Variants in UGGT2 observed in about 807,000 individuals in gnomAD.
The protein encoded by UGGT2 is UDP-glucose:glycoprotein glucosyltransferase 2.
In UGGT2, 180 loss-of-function variants were observed where a neutral mutation model predicts 192.1. That is an observed-to-expected ratio of 0.94 (90% CI 0.83 to 1.06). The LOEUF (loss-of-function observed/expected upper bound fraction) is 1.06. UGGT2 is among the 50% of genes least tolerant of loss of function. The pLI, the probability that UGGT2 is intolerant of heterozygous loss-of-function variation, is 0.00. For synonymous variants in UGGT2, 580 were observed against 591.0 expected (o/e 0.98, Z 0.27); for missense variants, 1,849 against 1,795.7 (o/e 1.03, Z -0.54).
At chr13:95,824,715 C>A (rs1413405945) in intron 38 of UGGT2, among the ~76,000 whole-genome samples, 1 of 151,950 alleles carries the variant, frequency 6.6e-6, no homozygotes, top group Non-Finnish European at 1.5e-5. Context: ...TTGGTTTTCA[C>A]CTTTCTGTGG....
chr13:96,022,924 C>A (rs552028186), intron 4 of UGGT2, 116 bp downstream of exon 4: 796 of 583,266 alleles, frequency 1.4e-3, no homozygotes, highest in Non-Finnish European at 1.9e-3. Context: ...ATACAAATCA[C>A]ATTCTTGAAT....
At chr13:96,006,390 T>G (rs2051975566) in intron 5 of UGGT2, among the ~76,000 whole-genome samples, 1 of 151,828 alleles carries the variant, frequency 6.6e-6, no homozygotes, top group Non-Finnish European at 1.5e-5. Flanking sequence ...TATGGGAGGC[T>G]GAGGTGGATG....
intron 12 of UGGT2, among the ~76,000 whole-genome samples, chr13:95,960,373 T>C (rs752602954): frequency 6.6e-6 from 1 of 152,084 alleles, no homozygotes; most frequent in East Asian, 1.9e-4. Context: ...AGTGAGAAAT[T>C]TACCAGAACC....
At chr13:95,830,324 A>G (rs764122962) in intron 38 of UGGT2, among the ~76,000 whole-genome samples, 9 of 152,200 alleles carry the variant, frequency 5.9e-5, no homozygotes, top group Non-Finnish European at 1.2e-4. Flanking sequence ...AAAAGAAACT[A>G]TCGTCAGAGT....
At chr13:95,881,263 G>T (rs181935427) in intron 27 of UGGT2, among the ~76,000 whole-genome samples, 1 of 152,270 alleles carries the variant, frequency 6.6e-6, no homozygotes, top group Admixed American at 6.5e-5. Flanking sequence ...GTGGGTGGGG[G>T]TATCTTAGAA....
chr13:95,805,034 G>T (rs936468941), intron 38 of UGGT2, among the ~76,000 whole-genome samples: 3 of 152,020 alleles, frequency 2.0e-5, no homozygotes, highest in African/African-American at 7.2e-5. Context: ...TGCAAATCAT[G>T]TATCTGATAA....
intron 5 of UGGT2, 151 bp downstream of exon 5, chr13:96,013,156 T>C: frequency 2.7e-6 from 2 of 749,878 alleles, no homozygotes; most frequent in African/African-American, 1.8e-5. Flanking sequence ...AATCCCAATA[T>C]ATTTTTCCAC....
At chr13:95,986,237 T>C (rs574344758) in intron 9 of UGGT2, 96 bp downstream of exon 9, 374 of 848,120 alleles carry the variant, frequency 4.4e-4, no homozygotes, top group Middle Eastern at 5.6e-4. Flanking sequence ...CTAGAACTAA[T>C]TGACACCTTC....
chr13:95,973,985 A>T (rs896519700), intron 10 of UGGT2, among the ~76,000 whole-genome samples: 1 of 152,220 alleles, frequency 6.6e-6, no homozygotes, highest in Non-Finnish European at 1.5e-5. Flanking sequence ...GTATTTCAAC[A>T]TCATATGATA....
chr13:96,043,450 AAATAC>A (rs1286285998), intron 1 of UGGT2, among the ~76,000 whole-genome samples: 2 of 152,138 alleles, frequency 1.3e-5, no homozygotes, highest in Non-Finnish European at 2.9e-5. Context: ...TATAAAACAA[AAATAC>A]AATTAAAAAA....
rs566736690 is a variant in UGGT2, at chr13:95,947,299, G to A, written c.1542-127C>T. The A allele has an allele frequency of 4.8e-4, 490 of 1,023,124 alleles. No homozygotes were observed. The African/African-American group carries it at 7.1e-3, about 15-fold the overall frequency. 63.4% of individuals were successfully genotyped at this position (1,023,124 alleles called of 1,614,324 possible). Reference sequence around the variant, plus strand: ...ATGTATTAATAGACAGAGAAAAGGAGAATTTTATCACTTCAAAAGTTTGAA... The same window carrying A: ...ATGTATTAATAGACAGAGAAAAGGAAAATTTTATCACTTCAAAAGTTTGAA... On this transcript the variant is annotated intron_variant, in intron 14 of 38. Transcript: ENST00000376747.
chr13:96,047,151 G>A (rs1398982020), intron 1 of UGGT2, among the ~76,000 whole-genome samples: 1 of 152,222 alleles, frequency 6.6e-6, no homozygotes, highest in Non-Finnish European at 1.5e-5. Flanking sequence ...TTTGAGATCT[G>A]AGAACAGACA....
At chr13:95,891,043 T>G in intron 24 of UGGT2, 79 bp from the exon 25 acceptor site, 1 of 1,006,724 alleles carries the variant, frequency 9.9e-7, no homozygotes, top group Non-Finnish European at 1.4e-6. Flanking sequence ...GCTATATAAT[T>G]CTTATAAATT....
intron 38 of UGGT2, among the ~76,000 whole-genome samples, chr13:95,823,538 G>T (rs1367672898): frequency 6.6e-6 from 1 of 151,924 alleles, no homozygotes; most frequent in African/African-American, 2.4e-5. Flanking sequence ...TTTCACTGCT[G>T]ATGCCTTAAA....
At chr13:95,948,484 C>T (rs2049955260) in intron 13 of UGGT2, among the ~76,000 whole-genome samples, 1 of 152,078 alleles carries the variant, frequency 6.6e-6, no homozygotes, top group Non-Finnish European at 1.5e-5. Flanking sequence ...ATTAACATAA[C>T]TGCTTTATCA....
intron 7 of UGGT2, among the ~76,000 whole-genome samples, chr13:95,994,967 G>C (rs185968883): frequency 2.6e-4 from 40 of 152,074 alleles, no homozygotes; most frequent in African/African-American, 9.1e-4. Context: ...CATAGGTATC[G>C]AAAGTCTTAA....
At chr13:95,837,311 T>A (rs547977161) in intron 36 of UGGT2, 109 bp from the exon 37 acceptor site, 1 of 750,898 alleles carries the variant, frequency 1.3e-6, no homozygotes, top group South Asian at 1.6e-5. Flanking sequence ...ATAAAACATA[T>A]GCAAATCTGA....
intron 1 of UGGT2, among the ~76,000 whole-genome samples, chr13:96,051,840 G>A (rs960184600): frequency 4.3e-4 from 66 of 152,142 alleles, no homozygotes; most frequent in African/African-American, 1.5e-3. Flanking sequence ...AGATGTTGGC[G>A]TGGATGCAGC....
chr13:95,821,922 T>G (rs1306601776), intron 38 of UGGT2, among the ~76,000 whole-genome samples: 1 of 152,174 alleles, frequency 6.6e-6, no homozygotes, highest in Non-Finnish European at 1.5e-5. Context: ...TTGGTCTACA[T>G]GCCTATTTTT....
Sources: allele counts gnomAD v4.1 joint callset (sites outside exome capture counted in the v4.1 genomes callset), GRCh38; gene constraint gnomAD v4.1.1; transcripts MANE v1.5; gene names NCBI Gene and HGNC (gene_info 2026-07-23, HGNC 2026-07-21).